The following EDNRB variants were observed in gnomAD, a reference collection of about 807,000 sequenced individuals.
EDNRB encodes the protein Hirschsprung disease 2.
In EDNRB, 18 loss-of-function variants were observed where a neutral mutation model predicts 46.4. That is an observed-to-expected ratio of 0.39 (90% CI 0.27 to 0.57). The LOEUF is 0.57. Among genes scored for constraint, EDNRB ranks in the 20% least tolerant of loss-of-function variants. The probability of loss-of-function intolerance (pLI) is 0.61; values close to 1 mark genes in which losing one functional copy is unlikely to be tolerated. For missense variants in EDNRB, 434 were observed against 537.5 expected (o/e 0.81, Z 1.90); for synonymous variants, 213 against 204.9 (o/e 1.04, Z -0.34).
upstream of EDNRB, among the ~76,000 whole-genome samples, chr13:77,921,374 G>A (rs537821971): frequency 2.5e-4 from 38 of 152,066 alleles, no homozygotes; most frequent in African/African-American, 8.7e-4. Context: ...CTCCTTACAG[G>A]GTCTACCACC....
At chr13:77,957,296 A>G (rs557602201) in intron 1 of EDNRB, among the ~76,000 whole-genome samples, 2 of 152,304 alleles carry the variant, frequency 1.3e-5, no homozygotes, top group Non-Finnish European at 2.9e-5. Context: ...AGTTCACACC[A>G]TGGGGTTTTA....
chr13:77,931,768 A>C (rs536625230), intron 1 of EDNRB, among the ~76,000 whole-genome samples: 7 of 142,512 alleles, frequency 4.9e-5, no homozygotes, highest in East Asian at 2.8e-4. Context: ...AAACAAAAAA[A>C]AAAAAACAAA....
At chr13:77,965,708 T>G (rs774467773) in intron 1 of EDNRB, among the ~76,000 whole-genome samples, 12 of 152,114 alleles carry the variant, frequency 7.9e-5, no homozygotes, top group African/African-American at 2.7e-4. Context: ...ATTGATTCCA[T>G]GTGTTGAAAA....
chr13:77,912,500 C>T (rs1012114018), intron 1 of EDNRB, among the ~76,000 whole-genome samples: 1 of 152,062 alleles, frequency 6.6e-6, no homozygotes, highest in Non-Finnish European at 1.5e-5. Flanking sequence ...AGGAATCAAG[C>T]TTTCTTTTTC....
Position 77,918,704 on chromosome 13 carries a change from C to A in EDNRB, c.-131G>T. 7.3e-7 allele frequency: 1 copy of A among 1,373,632 alleles called. No individual in the cohort carries two copies. The highest frequency in any genetic ancestry group is 2.7e-5 in the East Asian group (1 of 36,672). 85.1% of individuals were successfully genotyped at this position (1,373,632 alleles called of 1,614,324 possible). ...AGTCGCTGCAAACGCTAATACCGCC[C>A]GCAGCCTCTTCGCCAGTATCCACGC... On this transcript the variant is annotated 5_prime_UTR_variant, in exon 1 of 7. Transcript: ENST00000646607. This position sits in a 1 kb window ranked among gnomAD's most constrained non-coding sequence, Gnocchi z 4.5.
At chr13:77,954,617 T>C (rs1881182731) in intron 1 of EDNRB, among the ~76,000 whole-genome samples, 1 of 151,992 alleles carries the variant, frequency 6.6e-6, no homozygotes, top group African/African-American at 2.4e-5. Flanking sequence ...GTTCAAGCGA[T>C]TCTCCTGCCT....
rs73550359 is a variant in EDNRB, at chr13:77,965,164, C to T, written c.-52+10183G>A. ...TGCATATATATATTTTTAAAGTCCT[C>T]ATTGAATTATCAATAGACAACTCAG... On this transcript the variant is annotated intron_variant, in intron 1 of 7. Coordinates refer to the EDNRB transcript ENST00000646948. Among the ~76,000 whole-genome samples, 991 of 152,298 alleles carry T rather than the reference C, an allele frequency of 6.5e-3. 11 individuals are homozygous for T. The highest frequency in any genetic ancestry group is 0.023 in the African/African-American group (951 of 41,572).
intron 1 of EDNRB, among the ~76,000 whole-genome samples, chr13:77,909,599 A>T (rs1458278096): frequency 6.6e-6 from 1 of 152,072 alleles, no homozygotes; most frequent in Non-Finnish European, 1.5e-5. Context: ...CTACTTTATT[A>T]AATTACAAAT....
At chr13:77,912,067 T>G (rs1476918108) in intron 1 of EDNRB, among the ~76,000 whole-genome samples, 1 of 152,154 alleles carries the variant, frequency 6.6e-6, no homozygotes, top group Non-Finnish European at 1.5e-5. Context: ...GTTTTCTTTG[T>G]GAATTGAAGA....
intron 4 of EDNRB, 134 bp from the exon 5 acceptor site, chr13:77,900,788 T>C (rs1878928400): frequency 3.8e-6 from 5 of 1,325,966 alleles, no homozygotes; most frequent in Non-Finnish European, 5.3e-6. Context: ...CTGAGCTTTA[T>C]ATGGAATAGT....
chr13:77,937,418 G>A (rs887407141), intron 1 of EDNRB, among the ~76,000 whole-genome samples: 1 of 152,206 alleles, frequency 6.6e-6, no homozygotes, highest in African/African-American at 2.4e-5. Context: ...CATCTGGGGA[G>A]AGGGTAGAAG....
intron 1 of EDNRB, among the ~76,000 whole-genome samples, chr13:77,974,819 A>C (rs1256085491): frequency 6.6e-6 from 1 of 152,004 alleles, no homozygotes; most frequent in African/African-American, 2.4e-5. Flanking sequence ...CCTACCTCTA[A>C]TGCTGGCCAG....
intron 1 of EDNRB, among the ~76,000 whole-genome samples, chr13:77,966,114 C>T (rs1881573379): frequency 6.6e-6 from 1 of 152,098 alleles, no homozygotes; most frequent in Admixed American, 6.6e-5. Flanking sequence ...GTCTTGAATT[C>T]ATGGGCTCAA....
rs1045550076 is a variant in EDNRB at position 77,975,456 on chromosome 13, G to A, written c.-161C>T. The A allele has an allele frequency of 5.3e-5, 8 of 152,330 alleles. No homozygotes were observed. Among genetic ancestry groups the A allele is most frequent in the East Asian group, 1.9e-4 (1 of 5,182 alleles). 9.4% of individuals were successfully genotyped at this position (152,330 alleles called of 1,614,324 possible). A position where few individuals can be genotyped will look rare whatever the true frequency, so the allele number is the denominator to read the frequency against. On this transcript the variant is annotated 5_prime_UTR_variant, in exon 1 of 8. Transcript: ENST00000646948. ...CACTGCTCTGGCAAGGCGTCCCACC[G>A]GGGCAAATGCCTACCTGGGAGTGCT...
intron 1 of EDNRB, among the ~76,000 whole-genome samples, chr13:77,961,622 T>C (rs1312087410): frequency 6.6e-6 from 1 of 152,140 alleles, no homozygotes; most frequent in Non-Finnish European, 1.5e-5. Flanking sequence ...CTGGGACATA[T>C]TTAAAGCAGT....
rs565198556 is a variant in EDNRB, at chr13:77,947,293, G to GT, written c.-52+28053dup. ...CTATTGGATGACCACCTCAACATCT[G>GT]TTTTTTTTTTTTTTCTATTTTTAGT... On this transcript the variant is annotated intron_variant, in intron 1 of 7. Transcript: ENST00000646948. Among the ~76,000 whole-genome samples, 1,029 of 137,112 alleles carry GT rather than the reference G, an allele frequency of 7.5e-3. 8 individuals carry two copies. Among genetic ancestry groups the GT allele is most frequent in the African/African-American group, 0.016 (604 of 37,548 alleles). 90.0% of individuals were successfully genotyped at this position (137,112 alleles called of 152,430 possible).
intron 1 of EDNRB, among the ~76,000 whole-genome samples, chr13:77,952,728 C>T (rs1212836714): frequency 6.6e-6 from 1 of 152,136 alleles, no homozygotes; most frequent in Non-Finnish European, 1.5e-5. Context: ...CAATTTTACC[C>T]TGAATCTCAT....
rs911227318 is a variant in EDNRB at position 77,897,984 on chromosome 13, G to A, written c.*216C>T. On this transcript the variant is annotated 3_prime_UTR_variant, in exon 7 of 7. Coordinates refer to ENST00000646607, the MANE Select transcript of EDNRB (RefSeq NM_001122659.3). The stretch of plus-strand genomic sequence containing the variant: ...GTAAAAAATTAAGTGCTTTCACGAC[G>A]AGGCTTTCTTAATTCCCACTGATTT... 4 of 1,348,568 alleles carry A rather than the reference G, an allele frequency of 3.0e-6. No homozygotes were observed. Among genetic ancestry groups the A allele is most frequent in the East Asian group, 6.0e-5 (2 of 33,146 alleles). 83.5% of individuals were successfully genotyped at this position (1,348,568 alleles called of 1,614,324 possible). A position where few individuals can be genotyped will look rare whatever the true frequency, so the allele number is the denominator to read the frequency against.
At chr13:77,934,222 C>T (rs1228188701) in intron 1 of EDNRB, among the ~76,000 whole-genome samples, 4 of 152,206 alleles carry the variant, frequency 2.6e-5, no homozygotes, top group Middle Eastern at 3.4e-3. Context: ...ATGGGCTGTA[C>T]CTTGTAGCAT....
Sources: allele counts gnomAD v4.1 joint callset (sites outside exome capture counted in the v4.1 genomes callset), GRCh38; gene constraint gnomAD v4.1.1; non-coding constraint Gnocchi (gnomAD v3.1); transcripts MANE v1.5; gene names NCBI Gene and HGNC (gene_info 2026-07-23, HGNC 2026-07-21).